Variants in MRPL3 observed in about 807,000 individuals in gnomAD.
MRPL3 encodes large ribosomal subunit protein uL3m.
In MRPL3, 43 loss-of-function variants were observed where a neutral mutation model predicts 44.3. The ratio of observed to expected loss-of-function variants is 0.97; its 90% CI spans 0.76 to 1.25. The LOEUF (loss-of-function observed/expected upper bound fraction) is 1.25, where lower values mean the gene tolerates loss of function less well. Ranked by LOEUF, MRPL3 falls within the 50% of genes most tolerant of loss-of-function variation. The probability of loss-of-function intolerance (pLI) is 0.00; values close to 1 mark genes in which losing one functional copy is unlikely to be tolerated. For synonymous variants in MRPL3, 171 were observed against 152.3 expected, an observed-to-expected ratio of 1.12 and a Z score of -0.91; for missense variants, 406 against 427.6, an observed-to-expected ratio of 0.95 and a Z score of 0.45.
At chr3:131,482,854 T>C (rs1934021443) in intron 6 of MRPL3, among the ~76,000 whole-genome samples, 1 of 151,336 alleles carries the variant, frequency 6.6e-6, no homozygotes, top group Admixed American at 6.6e-5. Context: ...GAAGTGTCTC[T>C]CCATGCTATT....
chr3:131,502,177 C>G (rs547497881), intron 1 of MRPL3, among the ~76,000 whole-genome samples: 1 of 152,292 alleles, frequency 6.6e-6, no homozygotes, highest in East Asian at 1.9e-4. Flanking sequence ...AAGGCATGAC[C>G]TCTGAACAGG....
intron 3 of MRPL3, among the ~76,000 whole-genome samples, chr3:131,499,179 TTAACA>T (rs1486430325): frequency 9.8e-5 from 15 of 152,388 alleles, no homozygotes; most frequent in South Asian, 4.1e-4. Flanking sequence ...CTTACTTCAC[TTAACA>T]TATTTGTAAG....
chr3:131,480,993 G>A (rs13091744), intron 6 of MRPL3, among the ~76,000 whole-genome samples: 5,557 of 152,220 alleles, frequency 0.037, 159 homozygotes, highest in Middle Eastern at 0.054. Context: ...AAATCAAATC[G>A]CTGGAAATGG....
At chr3:131,493,560 G>A (rs1034228902) in intron 4 of MRPL3, among the ~76,000 whole-genome samples, 1 of 152,072 alleles carries the variant, frequency 6.6e-6, no homozygotes, top group African/African-American at 2.4e-5. Context: ...TAAAGAAGTG[G>A]GCTAAACCAA....
At chr3:131,498,398 C>T (rs1934416510) in intron 3 of MRPL3, 121 bp from the exon 4 acceptor site, 4 of 581,804 alleles carry the variant, frequency 6.9e-6, no homozygotes, top group Admixed American at 3.5e-5. Flanking sequence ...CTCATCTTTC[C>T]TCTAACACCA....
At chr3:131,471,364 C>G (rs1933740098) in intron 6 of MRPL3, 85 bp from the exon 7 acceptor site, 1 of 885,252 alleles carries the variant, frequency 1.1e-6, no homozygotes, top group African/African-American at 1.7e-5. Flanking sequence ...CAACTGTACA[C>G]ATTCTTGTTA....
intron 6 of MRPL3, 187 bp downstream of exon 6, chr3:131,487,493 C>G (rs1191015559): frequency 1.8e-6 from 1 of 560,630 alleles, no homozygotes. Context: ...TGATGTGAAC[C>G]CTTTACATAC....
At chr3:131,491,699 T>C (rs72997231) in intron 4 of MRPL3, among the ~76,000 whole-genome samples, 18,899 of 152,042 alleles carry the variant, frequency 0.12, 1,495 homozygotes, top group South Asian at 0.23. Context: ...TTTAAAAATA[T>C]AGCCCACGCC....
At chr3:131,464,796 TA>T (rs1294230316) in intron 9 of MRPL3, among the ~76,000 whole-genome samples, 3 of 152,074 alleles carry the variant, frequency 2.0e-5, no homozygotes, top group African/African-American at 7.2e-5. Context: ...TTTGGAATCT[TA>T]AAAAAAAGTT....
intron 6 of MRPL3, among the ~76,000 whole-genome samples, chr3:131,474,479 C>T (rs567560427): frequency 1.3e-5 from 2 of 152,122 alleles, no homozygotes; most frequent in East Asian, 3.9e-4. Flanking sequence ...CTATGGTACA[C>T]TAGGGTATCT....
At position 131,462,734 on chromosome 3, in the gene MRPL3, T is replaced by C; in HGVS notation, c.1036A>G (p.Thr346Ala). The C allele has an allele frequency of 3.7e-6, 6 of 1,611,416 alleles. No individual in the cohort carries two copies. The highest frequency in any genetic ancestry group is 5.1e-6 in the Non-Finnish European group (6 of 1,178,424). Residue 346 changes from threonine (T) to alanine (A), a missense_variant, in exon 10 of 10, where the codon ACA becomes GCA. By Grantham distance (58) the Thr-to-Ala change is moderately conservative. Transcript: ENST00000264995. The stretch of plus-strand genomic sequence containing the variant: ...CACGTCCAAAGATGTTAGGCAAATG[T>C]AATAGAAGGCGCACCGGGCTGACAC... ...NVCQPGAPSI[T>A]FA
intron 4 of MRPL3, among the ~76,000 whole-genome samples, chr3:131,493,881 C>T (rs1934308916): frequency 6.6e-6 from 1 of 152,204 alleles, no homozygotes; most frequent in Admixed American, 6.5e-5. Context: ...CTGATAATAA[C>T]AAAGTATCCT....
intron 6 of MRPL3, among the ~76,000 whole-genome samples, chr3:131,483,874 A>G (rs1934053449): frequency 1.3e-5 from 2 of 152,182 alleles, no homozygotes; most frequent in African/African-American, 2.4e-5. Flanking sequence ...TGAAGGTATA[A>G]CATTGAAACA....
Position 131,486,719 on chromosome 3 carries a change from C to G in MRPL3, c.629+961G>C, listed in dbSNP as rs146951893. On this transcript the variant is annotated intron_variant, in intron 6 of 9. Coordinates refer to ENST00000264995, the MANE Select transcript of MRPL3 (RefSeq NM_007208.4). ...CAGACACATGAAAAAATGCTCATCA[C>G]CGGTCATCAAAGAAATGCAAATCAA... Among the ~76,000 whole-genome samples the G allele has an allele frequency of 1.1e-3, 163 of 152,182 alleles. 2 individuals are homozygous for G. The East Asian group carries it at 0.031, about 29-fold the overall frequency.
At chr3:131,463,457 T>G (rs1018632360) in intron 9 of MRPL3, among the ~76,000 whole-genome samples, 2 of 152,064 alleles carry the variant, frequency 1.3e-5, no homozygotes, top group Non-Finnish European at 2.9e-5. Context: ...GGTAAGGGCC[T>G]TTAAGTTGAG....
chr3:131,462,700 A>C lies in MRPL3; in HGVS notation c.*23T>G. 3.1e-6 allele frequency: 5 copies of C among 1,596,092 alleles called. No individual in the cohort carries two copies. The highest frequency in any genetic ancestry group is 8.6e-7 in the Non-Finnish European group (1 of 1,169,098). On this transcript the variant is annotated 3_prime_UTR_variant, in exon 10 of 10. Transcript: ENST00000264995. The stretch of plus-strand genomic sequence containing the variant: ...CTCATCGAAGCTCACAGAATATGTA[A>C]GGTTCTGCCACGTCCAAAGATGTTA...
In MRPL3 at chr3:131,498,241, C is replaced by T; in HGVS notation, c.406G>A (p.Glu136Lys). 1 of 1,612,154 alleles carries T rather than the reference C, an allele frequency of 6.2e-7. No homozygotes were observed. ...GTTGCCATTTTTCCATTACAGTTTTCCTTTGACGTATATTTTAAGACATGA... is the reference window on the plus strand; with the variant it reads ...GTTGCCATTTTTCCATTACAGTTTTTCTTTGACGTATATTTTAAGACATGA... The part of the protein sequence containing the change: ...DCHVLKYTSK[E>K]NCNGKMATLS... Residue 136 changes from glutamate to lysine, a missense_variant, in exon 4 of 10, where the codon GAA (glutamate) becomes AAA (lysine). Glu to Lys is a moderately conservative substitution (Grantham distance 56). Transcript: ENST00000264995.
chr3:131,497,654 T>A (rs1934399589), intron 4 of MRPL3, among the ~76,000 whole-genome samples: 1 of 152,072 alleles, frequency 6.6e-6, no homozygotes, highest in African/African-American at 2.4e-5. Context: ...TAAAAAAAAA[T>A]GCTTTATTAA....
intron 4 of MRPL3, among the ~76,000 whole-genome samples, chr3:131,497,792 T>C (rs1390976920): frequency 1.3e-5 from 2 of 152,164 alleles, no homozygotes; most frequent in African/African-American, 4.8e-5. Flanking sequence ...AGGAAGAAAG[T>C]GAAATGAAAC....
Sources: allele counts gnomAD v4.1 joint callset (sites outside exome capture counted in the v4.1 genomes callset), GRCh38; gene constraint gnomAD v4.1.1; transcripts MANE v1.5; gene names NCBI Gene and HGNC (gene_info 2026-07-23, HGNC 2026-07-21).